KLRG1: variants seen among roughly 807,000 people sequenced by gnomAD.
KLRG1 encodes killer cell lectin-like receptor subfamily G member 1.
In KLRG1, 16 loss-of-function variants were observed where a neutral mutation model predicts 21.8. The observed-to-expected ratio is 0.73, with a 90% CI of 0.50 to 1.11. KLRG1 has a LOEUF of 1.11. Among genes scored for constraint, KLRG1 ranks in the 50% most tolerant of loss-of-function variants. The probability of loss-of-function intolerance (pLI) is 0.00; values close to 1 mark genes in which losing one functional copy is unlikely to be tolerated. For synonymous variants in KLRG1, 69 were observed against 75.9 expected (o/e 0.91, Z 0.47); for missense variants, 173 against 218.3 (o/e 0.79, Z 1.31).
the KLRG1 span, among the ~76,000 whole-genome samples, chr12:9,207,613 C>A: frequency 6.6e-6 from 1 of 152,272 alleles, no homozygotes; most frequent in South Asian, 2.1e-4. Context: ...TGCATGCCAG[C>A]AAGTAAGGAG....
chr12:8,995,176 A>G lies in KLRG1; in HGVS notation c.245A>G (p.Tyr82Cys). 1 of 1,613,718 alleles carries G rather than the reference A, an allele frequency of 6.2e-7. No individual in the cohort carries two copies. The highest frequency in any genetic ancestry group is 1.3e-5 in the African/African-American group (1 of 75,000). ...CPSCPDRWMK[Y>C]GNHCYYFSVE... ...AGCTGCCCAGACCGCTGGATGAAATATGGTAACCATTGTTATTATTTCTCA... is the reference window on the plus strand; with the variant it reads ...AGCTGCCCAGACCGCTGGATGAAATGTGGTAACCATTGTTATTATTTCTCA... Residue 82 changes from tyrosine to cysteine, a missense_variant, in exon 3 of 5, where the codon TAT becomes TGT. Around this residue, in one of 3 missense-constraint regions of KLRG1, gnomAD observed 144 missense variants for 161.5 expected, o/e 0.89. Coordinates refer to ENST00000356986, the MANE Select transcript of KLRG1 (RefSeq NM_005810.4).
the KLRG1 span, among the ~76,000 whole-genome samples, chr12:9,031,566 A>G: frequency 6.6e-6 from 1 of 152,192 alleles, no homozygotes; most frequent in Non-Finnish European, 1.5e-5. Flanking sequence ...ATTGTCAACA[A>G]AAAGAGTCAA....
chr12:9,202,291 A>T, the KLRG1 span: 1 of 1,595,754 alleles, frequency 6.3e-7, no homozygotes. Context: ...TCTACCCACA[A>T]CCCAAACCAC....
chr12:9,160,685 C>T, the KLRG1 span, among the ~76,000 whole-genome samples: 8 of 152,002 alleles, frequency 5.3e-5, no homozygotes, highest in African/African-American at 1.7e-4. Context: ...GAGGCCGAGG[C>T]GGGCGGATCA....
the KLRG1 span, among the ~76,000 whole-genome samples, chr12:9,210,914 C>T: frequency 6.6e-6 from 1 of 152,122 alleles, no homozygotes; most frequent in Non-Finnish European, 1.5e-5. Context: ...ACAGGATTGT[C>T]TCTATTGTCC....
chr12:9,135,901 T>C, the KLRG1 span, among the ~76,000 whole-genome samples: 1 of 152,224 alleles, frequency 6.6e-6, no homozygotes, highest in Admixed American at 6.5e-5. Flanking sequence ...AATCCGTATG[T>C]CAAAGAACCT....
At chr12:9,157,026 A>G in the KLRG1 span, 1 of 619,784 alleles carries the variant, frequency 1.6e-6, no homozygotes, top group Non-Finnish European at 2.6e-6. Flanking sequence ...GTATCAGCCC[A>G]TCACCTGGTT....
At chr12:9,191,312 T>A in the KLRG1 span, among the ~76,000 whole-genome samples, 1 of 152,112 alleles carries the variant, frequency 6.6e-6, no homozygotes, top group Admixed American at 6.5e-5. Context: ...ATGTACACAG[T>A]GGGGTCCATT....
At chr12:9,127,881 C>G in the KLRG1 span, 28 of 286,440 alleles carry the variant, frequency 9.8e-5, no homozygotes, top group Non-Finnish European at 1.8e-4. Context: ...CAATTACAGC[C>G]ACTACTTCAA....
upstream of KLRG1, among the ~76,000 whole-genome samples, chr12:8,986,314 A>G (rs1260112455): frequency 6.6e-6 from 1 of 152,148 alleles, no homozygotes; most frequent in Admixed American, 6.5e-5. Flanking sequence ...TACTCTTTGG[A>G]AGTGAGTCTC....
chr12:9,143,152 T>A, the KLRG1 span, among the ~76,000 whole-genome samples: 3 of 152,152 alleles, frequency 2.0e-5, no homozygotes, highest in Non-Finnish European at 4.4e-5. Flanking sequence ...CCAAGTTAAA[T>A]TAAAGGATTG....
the KLRG1 span, chr12:9,091,358 C>T: frequency 6.2e-7 from 1 of 1,614,196 alleles, no homozygotes; most frequent in Non-Finnish European, 8.5e-7. Context: ...TTCAGACAGG[C>T]AGAAGGCCCC....
chr12:9,079,611 G>T, the KLRG1 span: 1 of 1,598,806 alleles, frequency 6.3e-7, no homozygotes, highest in Non-Finnish European at 8.5e-7. Flanking sequence ...TAACATTCAA[G>T]TTTTCCCTTA....
chr12:9,107,774 C>T, the KLRG1 span: 1 of 1,024,234 alleles, frequency 9.8e-7, no homozygotes, highest in Non-Finnish European at 1.4e-6. Flanking sequence ...GCTGGGCTCA[C>T]ACAATATTGA....
the KLRG1 span, among the ~76,000 whole-genome samples, chr12:9,038,001 G>C: frequency 6.6e-6 from 1 of 152,206 alleles, no homozygotes; most frequent in Non-Finnish European, 1.5e-5. Flanking sequence ...GCTCATGCTT[G>C]TAATCCCAGT....
chr12:9,116,105 T>G, the KLRG1 span: 2 of 448,188 alleles, frequency 4.5e-6, no homozygotes, highest in Non-Finnish European at 8.4e-6. Context: ...TAAAACTACA[T>G]TCCCATTCCC....
chr12:9,103,097 T>G, the KLRG1 span, among the ~76,000 whole-genome samples: 9 of 152,252 alleles, frequency 5.9e-5, no homozygotes, highest in South Asian at 1.5e-3. Flanking sequence ...AAAATTAGAA[T>G]AGCAAGACAA....
the KLRG1 span, among the ~76,000 whole-genome samples, chr12:9,042,515 C>T: frequency 3.9e-5 from 6 of 152,292 alleles, no homozygotes; most frequent in South Asian, 6.2e-4. Context: ...ATCCCAAGGA[C>T]GTGTTTCTTA....
intron 3 of KLRG1, among the ~76,000 whole-genome samples, chr12:9,002,971 G>A (rs1024580019): frequency 2.0e-5 from 3 of 149,338 alleles, no homozygotes; most frequent in African/African-American, 7.5e-5. Context: ...TAGAATATAA[G>A]GTTATTGTAC....
Sources: gnomAD v4.1 joint callset for allele counts (sites outside exome capture counted in the v4.1 genomes callset) on GRCh38, gnomAD v4.1.1 for gene constraint, gnomAD v4.1.1 regional missense constraint, MANE v1.5 for transcripts, NCBI Gene and HGNC (gene_info 2026-07-23, HGNC 2026-07-21) for gene names.